Variants in TYRO3 observed in about 807,000 individuals in gnomAD.
The protein encoded by TYRO3 is TYRO3 protein tyrosine kinase.
TYRO3 carries 38 observed loss-of-function variants against 95.2 expected under a neutral mutation model. The ratio of observed to expected loss-of-function variants is 0.40; its 90% CI spans 0.31 to 0.52. The LOEUF (loss-of-function observed/expected upper bound fraction) is 0.52. Among genes scored for constraint, TYRO3 ranks in the 20% least tolerant of loss-of-function variants. TYRO3 has a pLI of 0.56. For missense variants in TYRO3, 812 were observed against 1,116.4 expected, an observed-to-expected ratio of 0.73 and a Z score of 3.89; for synonymous variants, 367 against 432.9, an observed-to-expected ratio of 0.85 and a Z score of 1.89.
Position 41,568,487 on chromosome 15 carries a change from C to A in TYRO3, c.1107+125C>A, listed in dbSNP as rs1302656894. ...GGGTCTCCCGCAGCCCCAGGGAATC[C>A]TTTCCTCCTCACCCTCCTCTGCAAG... On this transcript the variant is annotated intron_variant, in intron 8 of 18. Coordinates refer to ENST00000263798, the MANE Select transcript of TYRO3 (RefSeq NM_006293.4). 7 of 960,194 alleles carry A rather than the reference C, an allele frequency of 7.3e-6. No homozygotes were observed. In the African/African-American group the frequency reaches 1.2e-4, roughly 16 times the overall value. 59.5% of individuals were successfully genotyped at this position (960,194 alleles called of 1,614,324 possible).
chr15:41,576,420 C>T (rs559615444), intron 18 of TYRO3, among the ~76,000 whole-genome samples: 1 of 151,878 alleles, frequency 6.6e-6, no homozygotes, highest in South Asian at 2.1e-4. Flanking sequence ...CTCAAACTCC[C>T]GACCTCAGGT....
chr15:41,568,414 G>T (rs2055752332), intron 8 of TYRO3, 52 bp downstream of exon 8: 2 of 1,551,434 alleles, frequency 1.3e-6, no homozygotes, highest in Non-Finnish European at 1.7e-6. Context: ...AAGCCTTCAG[G>T]GTTCTAAGGC....
In TYRO3 at chr15:41,572,458, G is replaced by C. The variant is rs2055808605; in HGVS notation, c.1769G>C (p.Ser590Thr). ...CTTGTCCCAGGGGTAAGCCTCCGGAGCAGGGCTAAAGGCCGTCTCCCCATC... is the reference window on the plus strand; with the variant it reads ...CTTGTCCCAGGGGTAAGCCTCCGGACCAGGGCTAAAGGCCGTCTCCCCATC... ...VAKLVGVSLR[S>T]RAKGRLPIPM... The change falls in exon 15 of 19, where the codon AGC (serine) becomes ACC (threonine). Residue 590 changes from serine to threonine, a missense_variant. Physicochemically the swap from Ser to Thr is moderately conservative, Grantham distance 58. Coordinates refer to ENST00000263798, the MANE Select transcript of TYRO3 (RefSeq NM_006293.4). 1 of 1,614,084 alleles carries C rather than the reference G, an allele frequency of 6.2e-7. No individual in the cohort carries two copies. The highest frequency in any genetic ancestry group is 8.5e-7 in the Non-Finnish European group (1 of 1,180,038).
At chr15:41,572,091 G>A (rs1271298799) in intron 14 of TYRO3, among the ~76,000 whole-genome samples, 2 of 152,158 alleles carry the variant, frequency 1.3e-5, no homozygotes, top group Non-Finnish European at 2.9e-5. Context: ...AGCTACCCGG[G>A]AGGCTGAGGT....
In TYRO3 at chr15:41,572,706, C is replaced by T. The variant is rs1234491825; in HGVS notation, c.1875+142C>T. The stretch of plus-strand genomic sequence containing the variant: ...GAGTAGGAGGGGTCTGAGTTTGAAT[C>T]CTTTTAATCTAGCAGGCTTTCTTTT... On this transcript the variant is annotated intron_variant, in intron 15 of 18. Transcript: ENST00000263798. 1.4e-5 allele frequency: 15 copies of T among 1,107,108 alleles called. No individual in the cohort carries two copies. In the Admixed American group the frequency reaches 4.1e-4, roughly 30 times the overall value. The allele number at this position is 1,107,108 out of a possible 1,614,324, so 68.6% of individuals were successfully genotyped here. A position where few individuals can be genotyped will look rare whatever the true frequency, so the allele number is the denominator to read the frequency against.
chr15:41,569,296 T>C (rs28565957), intron 9 of TYRO3, among the ~76,000 whole-genome samples: 660 of 57,002 alleles, frequency 0.012, 9 homozygotes, highest in South Asian at 0.042. Flanking sequence ...TACAAAAAAA[T>C]TAAAAAAAAA....
intron 6 of TYRO3, among the ~76,000 whole-genome samples, chr15:41,566,736 C>A (rs542194878): frequency 6.6e-6 from 1 of 152,288 alleles, no homozygotes; most frequent in East Asian, 1.9e-4. Context: ...ACTCGGGACT[C>A]CAGGGATTTG....
At chr15:41,564,895 G>A (rs1044890095) in intron 5 of TYRO3, 131 bp from the exon 6 acceptor site, 8 of 653,156 alleles carry the variant, frequency 1.2e-5, no homozygotes, top group African/African-American at 1.1e-4. Context: ...GTGATCCTGG[G>A]AGTGCTGAGT....
Position 41,578,716 on chromosome 15 carries a change from T to G in TYRO3, c.*440T>G. On this transcript the variant is annotated 3_prime_UTR_variant, in exon 19 of 19. Transcript: ENST00000263798. ...GCTATTACCACACTTGGGGTTTAAA[T>G]ATCCAGGTGTGCCCCTCCAAGTCAC... 1 of 205,764 alleles carries G rather than the reference T, an allele frequency of 4.9e-6. No homozygotes were observed. The allele number at this position is 205,764 out of a possible 1,614,324, so 12.7% of individuals were successfully genotyped here.
rs996150727 is a variant in TYRO3 at position 41,568,777 on chromosome 15, A to G, written c.1108-101A>G. ...CAGCCCCTGAACCCACAGTGCCCCTATACTCCCATGTTCCCAGCTGGACCT... is the reference window on the plus strand; with the variant it reads ...CAGCCCCTGAACCCACAGTGCCCCTGTACTCCCATGTTCCCAGCTGGACCT... On this transcript the variant is annotated intron_variant, in intron 8 of 18. Coordinates refer to ENST00000263798, the MANE Select transcript of TYRO3 (RefSeq NM_006293.4). The G allele has an allele frequency of 3.5e-6, 5 of 1,415,280 alleles. No homozygotes were observed. The African/African-American group carries it at 7.2e-5, about 20-fold the overall frequency. The allele number at this position is 1,415,280 out of a possible 1,614,324, so 87.7% of individuals were successfully genotyped here. A position where few individuals can be genotyped will look rare whatever the true frequency, so the allele number is the denominator to read the frequency against.
intron 6 of TYRO3, among the ~76,000 whole-genome samples, chr15:41,566,699 C>T (rs8031505): frequency 2.6e-5 from 4 of 152,250 alleles, no homozygotes; most frequent in African/African-American, 7.2e-5. Flanking sequence ...GGCTTCAGGC[C>T]AGCTCTTCCA....
chr15:41,565,201 G>T, intron 6 of TYRO3, 60 bp downstream of exon 6: 1 of 1,086,440 alleles, frequency 9.2e-7, no homozygotes, highest in Non-Finnish European at 1.4e-6. Context: ...TTTGTTGACA[G>T]GGATATCACA....
At chr15:41,563,177 C>T (rs1415373432) in intron 4 of TYRO3, among the ~76,000 whole-genome samples, 1 of 152,058 alleles carries the variant, frequency 6.6e-6, no homozygotes, top group African/African-American at 2.4e-5. Flanking sequence ...CACAAAGATA[C>T]AGGGCCTCCT....
At chr15:41,568,617 A>G (rs940498817) in intron 8 of TYRO3, among the ~76,000 whole-genome samples, 3 of 152,074 alleles carry the variant, frequency 2.0e-5, no homozygotes, top group Non-Finnish European at 4.4e-5. Flanking sequence ...GAGGGCACAG[A>G]TAAGGCTTTG....
At chr15:41,570,850 T>C (rs943153812) in intron 12 of TYRO3, 151 bp downstream of exon 12, 5 of 925,590 alleles carry the variant, frequency 5.4e-6, no homozygotes, top group African/African-American at 4.9e-5. Context: ...TTGTGGGGAA[T>C]GGTGGCTGGA....
chr15:41,573,346 G>A lies in TYRO3; in HGVS notation c.2024G>A (p.Gly675Glu), dbSNP rs1251819586. Residue 675 changes from glycine to glutamate, a missense_variant, in exon 17 of 19, where the codon GGA becomes GAA. Coordinates refer to ENST00000263798, the MANE Select transcript of TYRO3 (RefSeq NM_006293.4). ...ATGACAGTGTGTGTGGCTGACTTCGGACTCTCCCGGAAGATCTACAGTGGG... is the reference window on the plus strand; with the variant it reads ...ATGACAGTGTGTGTGGCTGACTTCGAACTCTCCCGGAAGATCTACAGTGGG... Reference protein sequence around the residue: ...EDMTVCVADFGLSRKIYSGDY... With the variant: ...EDMTVCVADFELSRKIYSGDY... 1.2e-6 allele frequency: 2 copies of A among 1,614,242 alleles called. No homozygotes were observed. The highest frequency in any genetic ancestry group is 3.3e-5 in the Admixed American group (2 of 60,028).
At chr15:41,561,381 G>T in intron 2 of TYRO3, 71 bp downstream of exon 2, 1 of 1,508,952 alleles carries the variant, frequency 6.6e-7, no homozygotes. Context: ...TGGGGATTGG[G>T]AGCTGGGGCC....
At chr15:41,563,415 T>G (rs1214307867) in intron 4 of TYRO3, among the ~76,000 whole-genome samples, 1 of 152,178 alleles carries the variant, frequency 6.6e-6, no homozygotes, top group Non-Finnish European at 1.5e-5. Flanking sequence ...CTTGGTCTCA[T>G]GTGCTGGAAG....
intron 14 of TYRO3, 141 bp downstream of exon 14, chr15:41,571,828 A>G (rs1260817060): frequency 3.4e-6 from 2 of 594,862 alleles, no homozygotes; most frequent in Non-Finnish European, 6.1e-6. Context: ...GGGTCCTGGC[A>G]GAAATCTGAG....
Sources: allele counts gnomAD v4.1 joint callset (sites outside exome capture counted in the v4.1 genomes callset), GRCh38; gene constraint gnomAD v4.1.1; transcripts MANE v1.5; gene names NCBI Gene and HGNC (gene_info 2026-07-23, HGNC 2026-07-21).